The following GUSB variants were observed in gnomAD, a reference collection of about 807,000 sequenced individuals.
GUSB encodes beta-glucuronidase.
In GUSB, 51 loss-of-function variants were observed where a neutral mutation model predicts 74.6. The ratio of observed to expected loss-of-function variants is 0.68; its 90% CI spans 0.55 to 0.86. The LOEUF (loss-of-function observed/expected upper bound fraction) is 0.86, where lower values mean the gene tolerates loss of function less well. Ranked by LOEUF, GUSB falls within the 40% of genes least tolerant of loss-of-function variation. The pLI is 0.00. For missense variants in GUSB, 736 were observed against 853.7 expected, an observed-to-expected ratio of 0.86 and a Z score of 1.72; for synonymous variants, 360 against 348.3, an observed-to-expected ratio of 1.03 and a Z score of -0.37.
chr7:65,976,817 C>T (rs922265904), intron 4 of GUSB, among the ~76,000 whole-genome samples: 2 of 151,826 alleles, frequency 1.3e-5, no homozygotes, highest in Admixed American at 6.6e-5. Context: ...CTTGCAGCCC[C>T]GGCAGCCCCA....
chr7:65,969,499 C>G (rs539473722), intron 9 of GUSB, among the ~76,000 whole-genome samples: 142 of 152,150 alleles, frequency 9.3e-4, no homozygotes, highest in African/African-American at 3.3e-3. Context: ...GACTTTGAGA[C>G]CAGCCTGGGC....
chr7:65,974,734 G>C, intron 6 of GUSB, 30 bp from the exon 7 acceptor site: 9 of 1,610,266 alleles, frequency 5.6e-6, no homozygotes, highest in Non-Finnish European at 6.8e-6. Context: ...AGTGACCCCT[G>C]TCCCTGTCGA....
intron 1 of GUSB, among the ~76,000 whole-genome samples, chr7:65,981,111 A>G (rs1791982367): frequency 6.6e-6 from 1 of 151,878 alleles, no homozygotes; most frequent in Admixed American, 6.6e-5. Context: ...TGGGTGGCTC[A>G]TGCCAGTAAT....
At chr7:65,975,219 C>G in intron 5 of GUSB, 148 bp from the exon 6 acceptor site, 1 of 707,396 alleles carries the variant, frequency 1.4e-6, no homozygotes, top group Non-Finnish European at 2.5e-6. Flanking sequence ...CTGCCCTACC[C>G]TGGCTGACCC....
rs752854143 is a variant in GUSB at position 65,970,356 on chromosome 7, C to T, written c.1402G>A (p.Ala468Thr). 5.9e-5 allele frequency: 95 copies of T among 1,610,304 alleles called. No individual in the cohort carries two copies. The Admixed American group carries it at 1.5e-3, about 25-fold the overall frequency. ...SAGYYLKMVI[A>T]HTKSLDPSRP... is the part of the protein sequence containing the mutation. The stretch of plus-strand genomic sequence containing the variant: ...GAGGGGTCCAAGGATTTGGTGTGAG[C>T]GATCACCATCCTGTCCACAAAAGGC... The change falls in exon 9 of 12, where the codon GCT becomes ACT. Residue 468 changes from alanine to threonine, a missense_variant. Physicochemically the swap from Ala to Thr is moderately conservative, Grantham distance 58. Coordinates refer to ENST00000304895, the MANE Select transcript of GUSB (RefSeq NM_000181.4).
intron 4 of GUSB, among the ~76,000 whole-genome samples, chr7:65,976,624 G>A (rs552061468): frequency 1.0e-4 from 15 of 150,538 alleles, no homozygotes; most frequent in African/African-American, 3.4e-4. Flanking sequence ...CGCACCCGGT[G>A]CTTTTTTTAA....
At chr7:65,967,535 G>A (rs929148497) in intron 10 of GUSB, among the ~76,000 whole-genome samples, 196 bp downstream of exon 10, 7 of 152,142 alleles carry the variant, frequency 4.6e-5, no homozygotes, top group Non-Finnish European at 1.0e-4. Context: ...AGCCAGTAAG[G>A]AGGCCACCTC....
At chr7:65,981,857 C>A (rs1024577885) in intron 1 of GUSB, 117 bp downstream of exon 1, 9 of 935,714 alleles carry the variant, frequency 9.6e-6, no homozygotes, top group Admixed American at 7.9e-5. Flanking sequence ...TGACCTTTAA[C>A]CTCCTGCGGG....
chr7:65,973,486 C>T (rs1791350424), intron 8 of GUSB, among the ~76,000 whole-genome samples: 1 of 152,212 alleles, frequency 6.6e-6, no homozygotes, highest in African/African-American at 2.4e-5. Flanking sequence ...CCTCAGGAGG[C>T]TGAGGCAGGA....
rs765042077 is a variant in GUSB, at chr7:65,980,369, T to C, written c.251A>G (p.Asn84Ser). Residue 84 changes from asparagine to serine, a missense_variant, in exon 2 of 12, where the codon AAT (asparagine) becomes AGT (serine). Physicochemically the swap from Asn to Ser is conservative, Grantham distance 46. Around this residue, in one of 2 missense-constraint regions of GUSB, gnomAD observed 368 missense variants for 363.8 expected, o/e 1.01. Coordinates refer to ENST00000304895, the MANE Select transcript of GUSB (RefSeq NM_000181.4). ...TVDMPVPSSF[N>S]DISQDWRLRH... is the part of the protein sequence containing the mutation. ...CAGACGCCAGTCCTGGCTGATGTCA[T>C]TGAAGCTGGAGGGAACTGGCATGTC... The C allele has an allele frequency of 3.1e-6, 5 of 1,613,788 alleles. No homozygotes were observed. The highest frequency in any genetic ancestry group is 1.3e-5 in the African/African-American group (1 of 74,922).
At chr7:65,976,323 A>C in intron 4 of GUSB, 121 bp from the exon 5 acceptor site, 1 of 724,412 alleles carries the variant, frequency 1.4e-6, no homozygotes, top group Non-Finnish European at 2.3e-6. Flanking sequence ...TTTTAAATTT[A>C]ATTTCTTATT....
chr7:65,979,123 G>A (rs1390628041), intron 4 of GUSB, among the ~76,000 whole-genome samples: 1 of 152,126 alleles, frequency 6.6e-6, no homozygotes, highest in Non-Finnish European at 1.5e-5. Context: ...AAGGGGAGAT[G>A]GAGTGAGAGT....
At chr7:65,979,328 G>C (rs948668118) in intron 4 of GUSB, 71 bp downstream of exon 4, 2 of 1,448,728 alleles carry the variant, frequency 1.4e-6, no homozygotes, top group African/African-American at 2.8e-5. Flanking sequence ...TTTCCTGGGA[G>C]AGCTTTCCAA....
At chr7:65,967,101 T>A (rs1173607230) in intron 10 of GUSB, among the ~76,000 whole-genome samples, 1 of 151,928 alleles carries the variant, frequency 6.6e-6, no homozygotes, top group African/African-American at 2.4e-5. Flanking sequence ...GGACACTGAG[T>A]GTCCTGACCA....
At chr7:65,962,715 A>C (rs1583884934) in intron 11 of GUSB, among the ~76,000 whole-genome samples, 2 of 152,150 alleles carry the variant, frequency 1.3e-5, no homozygotes, top group South Asian at 4.2e-4. Context: ...TCTACTAAAA[A>C]TACAAAATTA....
In GUSB at chr7:65,982,127, G is replaced by A. The variant is rs573989102; in HGVS notation, c.57C>T (p.Cys19=). The stretch of plus-strand genomic sequence containing the variant: ...GCATCCCGCCCTGCAGCCCCAGCGC[G>A]CAGCCCCACAACAACGGCCCGAGCG... ...WAALGPLLWG[C]ALGLQGGMLY... Residue 19 remains cysteine, a synonymous_variant, in exon 1 of 12, where the codon TGC becomes TGT. Transcript: ENST00000304895. 6.4e-5 allele frequency: 101 copies of A among 1,567,104 alleles called. No individual in the cohort carries two copies. The South Asian group carries it at 9.4e-4, about 15-fold the overall frequency.
In GUSB at chr7:65,974,613, T is replaced by C. The variant is rs767451327; in HGVS notation, c.1157A>G (p.Tyr386Cys). Residue 386 changes from tyrosine to cysteine, a missense_variant, in exon 7 of 12, where the codon TAC (tyrosine) becomes TGC (cysteine). Tyr to Cys is a radical substitution (Grantham distance 194). Around this residue, in one of 2 missense-constraint regions of GUSB, gnomAD observed 368 missense variants for 489.9 expected, o/e 0.75. Coordinates refer to ENST00000304895, the MANE Select transcript of GUSB (RefSeq NM_000181.4). ...CTGCATCACTTCCTCTGCATAGGGGTAGTGGCTGGTACGGAAAGCGTTGGC... is the reference window on the plus strand; with the variant it reads ...CTGCATCACTTCCTCTGCATAGGGGCAGTGGCTGGTACGGAAAGCGTTGGC... ...LGANAFRTSHYPYAEEVMQMC... is the reference protein window; with the variant it reads ...LGANAFRTSHCPYAEEVMQMC... The C allele has an allele frequency of 5.6e-6, 9 of 1,613,656 alleles. No homozygotes were observed. The highest frequency in any genetic ancestry group is 1.3e-5 in the African/African-American group (1 of 74,900).
Position 65,982,171 on chromosome 7 carries a change from A to C in GUSB, c.13T>G (p.Ser5Ala). 6.6e-7 allele frequency: 1 copy of C among 1,507,816 alleles called. No homozygotes were observed. Among genetic ancestry groups the C allele is most frequent in the South Asian group, 1.2e-5 (1 of 81,730 alleles). 93.4% of individuals were successfully genotyped at this position (1,507,816 alleles called of 1,614,324 possible). Residue 5 changes from serine (S) to alanine (A), a missense_variant, in exon 1 of 12, where the codon TCG (serine) becomes GCG (alanine). Physicochemically the swap from Ser to Ala is moderately conservative, Grantham distance 99 (BLOSUM62 1). This residue lies in a region of GUSB where 368 missense variants were observed against 363.8 expected (regional missense o/e 1.01). Coordinates refer to ENST00000304895, the MANE Select transcript of GUSB (RefSeq NM_000181.4). The part of the protein sequence containing the change: MARG[S>A]AVAWAALGPL... ...CCGAGCGCCGCCCAGGCAACCGCCGACCCCCGGGCCATGCTTCCCGGTCCC... is the reference window on the plus strand; with the variant it reads ...CCGAGCGCCGCCCAGGCAACCGCCGCCCCCCGGGCCATGCTTCCCGGTCCC...
At position 65,976,040 on chromosome 7, in the gene GUSB, C is replaced by T. The variant is rs528899475; in HGVS notation, c.887G>A (p.Arg296His). ...CTCCAATGAATACAGATAGGCAGGG[C>T]GTTCGTGCATCAGGTACGGCCACCA... ...SLWWPYLMHE[R>H]PAYLYSLEVQ... Residue 296 changes from arginine (R) to histidine (H), a missense_variant, in exon 5 of 12, where the codon CGC becomes CAC. Transcript: ENST00000304895. The T allele has an allele frequency of 2.9e-5, 46 of 1,613,700 alleles. No individual in the cohort carries two copies. Among genetic ancestry groups the T allele is most frequent in the East Asian group, 4.5e-5 (2 of 44,876 alleles).
Sources: gnomAD v4.1 joint callset for allele counts (sites outside exome capture counted in the v4.1 genomes callset) on GRCh38, gnomAD v4.1.1 for gene constraint, gnomAD v4.1.1 regional missense constraint, MANE v1.5 for transcripts, NCBI Gene and HGNC (gene_info 2026-07-23, HGNC 2026-07-21) for gene names.